LRP1B: variants seen among roughly 807,000 people sequenced by gnomAD.
The protein encoded by LRP1B is LDL receptor related protein 1B, also known as low-density lipoprotein receptor-related protein 1B.
Under a neutral mutation model 556.6 loss-of-function variants are expected in LRP1B, and 217 were observed. The observed-to-expected ratio is 0.39, with a 90% CI of 0.35 to 0.44. The LOEUF (loss-of-function observed/expected upper bound fraction) is 0.44. LRP1B is among the 20% of genes least tolerant of loss of function. LRP1B has a pLI of 1.00. For missense variants in LRP1B, 5,053 were observed against 5,620.8 expected (o/e 0.90, Z 3.23); for synonymous variants, 2,047 against 1,865.8 (o/e 1.10, Z -2.50).
At chr2:140,429,295 T>C (rs1452619270) in intron 66 of LRP1B, among the ~76,000 whole-genome samples, 1 of 152,198 alleles carries the variant, frequency 6.6e-6, no homozygotes, top group Non-Finnish European at 1.5e-5. Context: ...ATCAACCAAA[T>C]TGTTTTGCCT....
intron 2 of LRP1B, among the ~76,000 whole-genome samples, chr2:141,768,713 T>C (rs1474827472): frequency 6.6e-6 from 1 of 152,126 alleles, no homozygotes; most frequent in East Asian, 1.9e-4. Flanking sequence ...GCCTCCTTCA[T>C]AATATTTGAT....
intron 18 of LRP1B, among the ~76,000 whole-genome samples, chr2:140,965,559 TAA>T (rs1696183484): frequency 1.9e-5 from 1 of 52,650 alleles, no homozygotes; most frequent in Non-Finnish European, 5.9e-5. Flanking sequence ...GATTTTCTTT[TAA>T]TTTTTTTATT....
Position 141,468,311 on chromosome 2 carries a change from C to G in LRP1B, c.343+12085G>C, listed in dbSNP as rs150637267. ...AGAGCATGACTAGTGCAAACCTCAT[C>G]TTACACTGGTTTTGAAAATGGGAAC... On this transcript the variant is annotated intron_variant, in intron 3 of 90. Transcript: ENST00000389484. Among the ~76,000 whole-genome samples, 510 of 152,276 alleles carry G rather than the reference C, an allele frequency of 3.3e-3. 1 individual carries two copies. The highest frequency in any genetic ancestry group is 0.011 in the African/African-American group (445 of 41,546).
intron 43 of LRP1B, among the ~76,000 whole-genome samples, chr2:140,595,661 C>T (rs1025239828): frequency 1.3e-5 from 2 of 151,988 alleles, no homozygotes; most frequent in Non-Finnish European, 2.9e-5. Context: ...TTTGTTTTTA[C>T]AACTAAATTA....
intron 1 of LRP1B, among the ~76,000 whole-genome samples, chr2:141,882,065 T>C (rs1419447229): frequency 6.6e-6 from 1 of 152,092 alleles, no homozygotes; most frequent in Non-Finnish European, 1.5e-5. Context: ...CCTCAAGAGA[T>C]GTTTTTAATT....
chr2:140,418,285 T>C (rs1685285257), intron 66 of LRP1B, among the ~76,000 whole-genome samples: 1 of 152,198 alleles, frequency 6.6e-6, no homozygotes, highest in Non-Finnish European at 1.5e-5. Context: ...ACTTGGTGGA[T>C]GATCACCTAT....
At chr2:141,576,056 C>T (rs141996008) in intron 2 of LRP1B, among the ~76,000 whole-genome samples, 166 of 152,256 alleles carry the variant, frequency 1.1e-3, no homozygotes, top group African/African-American at 3.8e-3. Flanking sequence ...GGATCCAGAA[C>T]CAGAATTACC....
In LRP1B at chr2:140,270,442, A is replaced by T. The variant is rs565936179; in HGVS notation, c.13143-96T>A. 1.4e-4 allele frequency: 110 copies of T among 771,924 alleles called. 1 individual carries two copies. In the South Asian group the frequency reaches 1.8e-3, roughly 12 times the overall value. 47.8% of individuals were successfully genotyped at this position (771,924 alleles called of 1,614,324 possible). ...CTCTCTGTGGATGAGAATATTCATC[A>T]TATAGGAGAGATGGAGTGGCTGGTT... On this transcript the variant is annotated intron_variant, in intron 85 of 90. Coordinates refer to ENST00000389484, the MANE Select transcript of LRP1B (RefSeq NM_018557.3).
Position 140,263,002 on chromosome 2 carries a change from C to T in LRP1B, c.13247+7240G>A, listed in dbSNP as rs117699328. On this transcript the variant is annotated intron_variant, in intron 86 of 90. Coordinates refer to ENST00000389484, the MANE Select transcript of LRP1B (RefSeq NM_018557.3). ...GCAGTGAAGCAATCACAGCTCACTG[C>T]AGCCTCAACTTCTCCGGCTCAGGTG... is the stretch of plus-strand genomic sequence containing the variant. Among the ~76,000 whole-genome samples the T allele has an allele frequency of 8.5e-5, 13 of 152,282 alleles. No homozygotes were observed. In the East Asian group the frequency reaches 2.5e-3, roughly 30 times the overall value.
At chr2:140,753,243 T>A (rs1688643391) in intron 35 of LRP1B, among the ~76,000 whole-genome samples, 1 of 152,220 alleles carries the variant, frequency 6.6e-6, no homozygotes, top group Non-Finnish European at 1.5e-5. Context: ...GAATTTGCTA[T>A]AATTTCATTA....
chr2:140,887,070 G>A (rs1487167632), intron 23 of LRP1B, among the ~76,000 whole-genome samples: 1 of 152,094 alleles, frequency 6.6e-6, no homozygotes, highest in East Asian at 1.9e-4. Context: ...TAATTACTGT[G>A]AGACATACTG....
chr2:140,491,258 A>T (rs1444564331), intron 57 of LRP1B, among the ~76,000 whole-genome samples: 1 of 152,164 alleles, frequency 6.6e-6, no homozygotes, highest in Non-Finnish European at 1.5e-5. Flanking sequence ...AGTTAAACTT[A>T]TGGTTCAGCT....
At chr2:140,954,883 A>C (rs1437193892) in intron 18 of LRP1B, among the ~76,000 whole-genome samples, 1 of 152,034 alleles carries the variant, frequency 6.6e-6, no homozygotes, top group Non-Finnish European at 1.5e-5. Context: ...ACTGTAGAGA[A>C]AAACATTGGG....
intron 2 of LRP1B, among the ~76,000 whole-genome samples, chr2:141,614,576 C>A (rs1688228477): frequency 6.6e-6 from 1 of 152,126 alleles, no homozygotes; most frequent in Admixed American, 6.6e-5. Context: ...GATTGAGACA[C>A]AAAGGCAAAT....
chr2:141,981,532 T>C (rs1323292934), intron 1 of LRP1B, among the ~76,000 whole-genome samples: 1 of 152,110 alleles, frequency 6.6e-6, no homozygotes, highest in Non-Finnish European at 1.5e-5. Context: ...GATTAGGAGT[T>C]GGCATTTTAT....
chr2:141,598,361 T>G (rs35155989), intron 2 of LRP1B, among the ~76,000 whole-genome samples: 12,119 of 152,070 alleles, frequency 0.08, 561 homozygotes, highest in South Asian at 0.13. Context: ...AGAAATAAAA[T>G]GACATTAATT....
chr2:140,362,294 G>T (rs1206269092), intron 72 of LRP1B, among the ~76,000 whole-genome samples: 2 of 151,558 alleles, frequency 1.3e-5, no homozygotes, highest in Admixed American at 6.6e-5. Flanking sequence ...AAGGTTGCAG[G>T]TATCTCTGCT....
intron 66 of LRP1B, among the ~76,000 whole-genome samples, chr2:140,433,916 T>C (rs981692430): frequency 1.3e-5 from 2 of 151,964 alleles, no homozygotes; most frequent in South Asian, 2.1e-4. Context: ...TGTGTCTCTG[T>C]CTTAGGACAT....
At chr2:141,954,081 A>T (rs551150282) in intron 1 of LRP1B, among the ~76,000 whole-genome samples, 2 of 152,262 alleles carry the variant, frequency 1.3e-5, no homozygotes, top group South Asian at 4.1e-4. Flanking sequence ...CGCTGAGAGT[A>T]GAAAGTCAAG....
Sources: gnomAD v4.1 joint callset for allele counts (sites outside exome capture counted in the v4.1 genomes callset) on GRCh38, gnomAD v4.1.1 for gene constraint, MANE v1.5 for transcripts, NCBI Gene and HGNC (gene_info 2026-07-23, HGNC 2026-07-21) for gene names.